The following RBFOX1 variants were observed in gnomAD, a reference collection of about 807,000 sequenced individuals.
The protein encoded by RBFOX1 is RNA binding fox-1 homolog 1.
RBFOX1 carries 8 observed loss-of-function variants against 57.7 expected under a neutral mutation model. The ratio of observed to expected loss-of-function variants is 0.14; its 90% confidence interval spans 0.08 to 0.25. The LOEUF is 0.25. RBFOX1 is among the 10% of genes least tolerant of loss of function. The pLI is 1.00. For missense variants in RBFOX1, 611 were observed against 548.5 expected, an observed-to-expected ratio of 1.11 and a Z score of -1.14; for synonymous variants, 326 against 222.4, an observed-to-expected ratio of 1.47 and a Z score of -4.15.
chr16:6,677,322 G>T (rs7198190), intron 3 of RBFOX1, among the ~76,000 whole-genome samples: 1 of 152,078 alleles, frequency 6.6e-6, no homozygotes, highest in African/African-American at 2.4e-5. Flanking sequence ...AGGCCCTTTT[G>T]TAACACTGAA....
chr16:6,248,034 T>C (rs2097579077), intron 1 of RBFOX1, among the ~76,000 whole-genome samples: 1 of 152,174 alleles, frequency 6.6e-6, no homozygotes, highest in Non-Finnish European at 1.5e-5. Context: ...TCCCTTCAAG[T>C]ACAAAAGGCC....
At chr16:6,468,436 G>T (rs1254288954) in intron 2 of RBFOX1, among the ~76,000 whole-genome samples, 4 of 152,118 alleles carry the variant, frequency 2.6e-5, no homozygotes, top group African/African-American at 9.7e-5. Context: ...TACAATTATA[G>T]CTTAGGACAT....
At chr16:6,504,329 T>A (rs1391639039) in intron 2 of RBFOX1, among the ~76,000 whole-genome samples, 1 of 152,192 alleles carries the variant, frequency 6.6e-6, no homozygotes, top group Non-Finnish European at 1.5e-5. Context: ...AACTTCACAT[T>A]CCCCTGCCCT....
intron 1 of RBFOX1, among the ~76,000 whole-genome samples, chr16:5,386,552 C>T (rs1451373830): frequency 6.6e-6 from 1 of 152,164 alleles, no homozygotes; most frequent in Non-Finnish European, 1.5e-5. Flanking sequence ...CAGACGTTAA[C>T]TCACTGGCCA....
At chr16:6,508,833 A>T (rs1023465149) in intron 2 of RBFOX1, among the ~76,000 whole-genome samples, 5 of 151,742 alleles carry the variant, frequency 3.3e-5, no homozygotes, top group Non-Finnish European at 7.4e-5. Flanking sequence ...TCACGGTAAA[A>T]CTGCGCTTAC....
At chr16:5,587,994 G>A (rs1049056866) in intron 2 of RBFOX1, among the ~76,000 whole-genome samples, 8 of 152,116 alleles carry the variant, frequency 5.3e-5, no homozygotes, top group Admixed American at 5.2e-4. Context: ...AAACAAAGGT[G>A]GTCTCTCTAT....
intron 1 of RBFOX1, among the ~76,000 whole-genome samples, chr16:5,346,311 C>T (rs768294968): frequency 2.0e-5 from 3 of 152,198 alleles, no homozygotes; most frequent in East Asian, 3.9e-4. Flanking sequence ...ACTTGCCTGG[C>T]ACATCTTCAG....
chr16:5,575,045 G>T (rs1429655316), intron 2 of RBFOX1, among the ~76,000 whole-genome samples: 23 of 152,258 alleles, frequency 1.5e-4, no homozygotes, highest in South Asian at 2.1e-4. Context: ...GATAATCAGG[G>T]CCATTCACCT....
intron 2 of RBFOX1, among the ~76,000 whole-genome samples, chr16:5,589,177 G>T (rs7187357): frequency 0.17 from 26,600 of 152,122 alleles, 2,459 homozygotes; most frequent in East Asian, 0.27. Flanking sequence ...AGAAGCTGTT[G>T]GCCCCTATCT....
intron 15 of RBFOX1, chr16:7,710,414 G>A (rs982618782): frequency 7.2e-7 from 1 of 1,393,034 alleles, no homozygotes; most frequent in Non-Finnish European, 9.2e-7. Context: ...ACAGAATTTG[G>A]TTTTGCAGGG....
chr16:5,778,057 C>A (rs1366266309), intron 3 of RBFOX1, among the ~76,000 whole-genome samples: 1 of 152,134 alleles, frequency 6.6e-6, no homozygotes, highest in Admixed American at 6.5e-5. Flanking sequence ...TGAGCTGGAA[C>A]CAGGCACTTA....
chr16:7,135,137 G>A (rs777512554), intron 4 of RBFOX1, among the ~76,000 whole-genome samples: 3 of 152,082 alleles, frequency 2.0e-5, no homozygotes, highest in Non-Finnish European at 2.9e-5. Context: ...TGTTAGAAAA[G>A]GAATTTCTGA....
At chr16:5,672,594 A>G (rs917990295) in intron 3 of RBFOX1, among the ~76,000 whole-genome samples, 1 of 136,584 alleles carries the variant, frequency 7.3e-6, no homozygotes, top group African/African-American at 2.8e-5. Flanking sequence ...AAAACAACCC[A>G]CAAAGAGTTA....
At chr16:6,834,144 G>A (rs1363315196) in intron 3 of RBFOX1, among the ~76,000 whole-genome samples, 2 of 151,902 alleles carry the variant, frequency 1.3e-5, no homozygotes, top group African/African-American at 4.8e-5. Flanking sequence ...ATCCCACTCG[G>A]CTCACCACAA....
intron 2 of RBFOX1, among the ~76,000 whole-genome samples, chr16:6,395,754 A>T (rs1460064460): frequency 6.6e-6 from 1 of 152,174 alleles, no homozygotes; most frequent in African/African-American, 2.4e-5. Flanking sequence ...TACCAAATAT[A>T]TTTCAATAAA....
chr16:6,166,959 G>C (rs2096922443), intron 1 of RBFOX1, among the ~76,000 whole-genome samples: 1 of 151,994 alleles, frequency 6.6e-6, no homozygotes, highest in African/African-American at 2.4e-5. Flanking sequence ...ATTTTTAATA[G>C]AGTCGGGGTT....
chr16:5,753,880 A>G (rs558032193), intron 3 of RBFOX1, among the ~76,000 whole-genome samples: 13 of 151,988 alleles, frequency 8.6e-5, no homozygotes, highest in African/African-American at 2.4e-4. Flanking sequence ...ACAAAAATCA[A>G]TGATCTAAAC....
At chr16:5,263,333 T>C (rs1172097239) in intron 1 of RBFOX1, among the ~76,000 whole-genome samples, 1 of 152,154 alleles carries the variant, frequency 6.6e-6, no homozygotes, top group Non-Finnish European at 1.5e-5. Context: ...CAATTACTTT[T>C]GCACCAACCT....
chr16:7,174,173 T>A (rs1858409730), intron 4 of RBFOX1, among the ~76,000 whole-genome samples: 1 of 148,138 alleles, frequency 6.8e-6, no homozygotes, highest in African/African-American at 2.6e-5. Flanking sequence ...AGAAAGTTTA[T>A]CCATGATAAA....
Sources: allele counts gnomAD v4.1 joint callset (sites outside exome capture counted in the v4.1 genomes callset), GRCh38; gene constraint gnomAD v4.1.1; transcripts MANE v1.5; gene names NCBI Gene and HGNC (gene_info 2026-07-23, HGNC 2026-07-21).